IQCH: variants seen among roughly 807,000 people sequenced by gnomAD.
IQCH encodes IQ domain-containing protein H.
In IQCH, 98 loss-of-function variants were observed where a neutral mutation model predicts 117.0. The observed-to-expected ratio is 0.84, with a 90% CI of 0.71 to 0.99. IQCH has a LOEUF of 0.99. IQCH is among the 50% of genes least tolerant of loss of function. The pLI is 0.00. For synonymous variants in IQCH, 412 were observed against 448.2 expected (o/e 0.92, Z 1.02); for missense variants, 1,102 against 1,243.8 (o/e 0.89, Z 1.72).
chr15:67,449,373 C>CT (rs1441902932), intron 16 of IQCH, among the ~76,000 whole-genome samples: 1 of 152,090 alleles, frequency 6.6e-6, no homozygotes, highest in Admixed American at 6.5e-5. Flanking sequence ...ACATTTAAGT[C>CT]TTTAATCCAT....
rs1313877991 is a variant in IQCH, at chr15:67,254,860, C to T, written c.-37C>T. 5.0e-6 allele frequency: 8 copies of T among 1,603,776 alleles called. No individual in the cohort carries two copies. The highest frequency in any genetic ancestry group is 6.8e-6 in the Non-Finnish European group (8 of 1,173,374). ...GCTGAAGGTTTCCGTGCTTGGAAAC[C>T]GCGCCTCCGCGGAGGTAGCCGTTCC... On this transcript the variant is annotated 5_prime_UTR_variant, in exon 1 of 21. Coordinates refer to ENST00000335894, the MANE Select transcript of IQCH (RefSeq NM_001031715.3).
chr15:67,458,535 T>C lies in IQCH; in HGVS notation c.2506-6592T>C, dbSNP rs1013011704. Among the ~76,000 whole-genome samples the C allele has an allele frequency of 3.9e-5, 6 of 152,166 alleles. No homozygotes were observed. The highest frequency in any genetic ancestry group is 2.6e-4 in the Admixed American group (4 of 15,284). The stretch of plus-strand genomic sequence containing the variant: ...TCTTGTCAATGCAATTAGAGTCACA[T>C]TAGTTAGCTCACATCACTCCTCCAC... On this transcript the variant is annotated intron_variant, in intron 16 of 20. Transcript: ENST00000335894. The surrounding 1 kb of genome is among the most constrained non-coding windows in gnomAD (Gnocchi z 4.1).
chr15:67,450,443 A>G (rs1330366237), intron 16 of IQCH, among the ~76,000 whole-genome samples: 1 of 152,120 alleles, frequency 6.6e-6, no homozygotes, highest in East Asian at 1.9e-4. Flanking sequence ...AGGTTGTTGA[A>G]TTTTGTCAAA....
chr15:67,436,945 C>G lies in IQCH; in HGVS notation c.2505+15368C>G, dbSNP rs142945546. Among the ~76,000 whole-genome samples, 1 of 151,830 alleles carries G rather than the reference C, an allele frequency of 6.6e-6. No homozygotes were observed. The highest frequency in any genetic ancestry group is 1.5e-5 in the Non-Finnish European group (1 of 67,970). On this transcript the variant is annotated intron_variant, in intron 16 of 20. Transcript: ENST00000335894. This position sits in a 1 kb window ranked among gnomAD's most constrained non-coding sequence, Gnocchi z 5.1. ...TCAGACACGCGTAGCCCCACCCCCA[C>G]CTGATGGTCCTTCCCTATCCACCCT...
At position 67,446,878 on chromosome 15, in the gene IQCH, C is replaced by G. The variant is rs145814905; in HGVS notation, c.2506-18249C>G. On this transcript the variant is annotated intron_variant, in intron 16 of 20. Coordinates refer to ENST00000335894, the MANE Select transcript of IQCH (RefSeq NM_001031715.3). ...ACAGAAAGGTGTTAAGTGACTTGCC[C>G]GAAGTCCCACGGTAAATCACAAGCC... 3.8e-3 allele frequency among the ~76,000 whole-genome samples: 579 copies of G among 152,244 alleles called. 4 individuals are homozygous for G. The highest frequency in any genetic ancestry group is 0.013 in the African/African-American group (536 of 41,542).
intron 10 of IQCH, among the ~76,000 whole-genome samples, chr15:67,377,406 C>A (rs911346358): frequency 1.3e-5 from 2 of 151,924 alleles, no homozygotes; most frequent in African/African-American, 4.8e-5. Flanking sequence ...TGGTTCATAA[C>A]AGGAATAAAA....
At position 67,408,810 on chromosome 15, in the gene IQCH, C is replaced by A. The variant is rs542868052; in HGVS notation, c.2098-8121C>A. 6.6e-6 allele frequency among the ~76,000 whole-genome samples: 1 copy of A among 152,222 alleles called. No homozygotes were observed. The highest frequency in any genetic ancestry group is 1.5e-5 in the Non-Finnish European group (1 of 68,014). ...ATATTTCTCTAACTGGAAAGAAAGA[C>A]CCTATTACCAGTAATGATAATTATG... On this transcript the variant is annotated intron_variant, in intron 14 of 20. Coordinates refer to ENST00000335894, the MANE Select transcript of IQCH (RefSeq NM_001031715.3). The surrounding 1 kb of genome is among the most constrained non-coding windows in gnomAD (Gnocchi z 4.2).
intron 3 of IQCH, among the ~76,000 whole-genome samples, chr15:67,272,162 T>G (rs1965924497): frequency 3.3e-5 from 5 of 152,224 alleles, no homozygotes; most frequent in Admixed American, 3.3e-4. Flanking sequence ...TTTAATTTCT[T>G]TATTGACTGT....
rs1971650987 is a variant in IQCH, at chr15:67,401,321, A to G, written c.2097+1016A>G. On this transcript the variant is annotated intron_variant, in intron 14 of 20. Transcript: ENST00000335894. The surrounding 1 kb of genome is among the most constrained non-coding windows in gnomAD (Gnocchi z 4.7). ...AAATTAAACCTGCCATTCTAAAACTATCTTGCTTTTCATCCAGAAATCCCC... is the reference window on the plus strand; with the variant it reads ...AAATTAAACCTGCCATTCTAAAACTGTCTTGCTTTTCATCCAGAAATCCCC... 6.6e-6 allele frequency among the ~76,000 whole-genome samples: 1 copy of G among 152,234 alleles called. No individual in the cohort carries two copies.
At chr15:67,292,211 C>T (rs967513455) in intron 4 of IQCH, among the ~76,000 whole-genome samples, 11 of 152,068 alleles carry the variant, frequency 7.2e-5, no homozygotes, top group African/African-American at 2.7e-4. Context: ...TTCCCAGGCT[C>T]CAGAACTGTA....
At position 67,472,930 on chromosome 15, in the gene IQCH, A is replaced by T. The variant is rs1482739918; in HGVS notation, c.2677-2766A>T. On this transcript the variant is annotated intron_variant, in intron 17 of 20. Coordinates refer to ENST00000335894, the MANE Select transcript of IQCH (RefSeq NM_001031715.3). The surrounding 1 kb of genome is among the most constrained non-coding windows in gnomAD (Gnocchi z 4.3). ...TGTAGTGAAGAAGAAACCTCAGGGT[A>T]GCCTGCCCTTACATGTTGTCTAGTA... Among the ~76,000 whole-genome samples, 1 of 152,142 alleles carries T rather than the reference A, an allele frequency of 6.6e-6. No homozygotes were observed. Among genetic ancestry groups the T allele is most frequent in the Admixed American group, 6.6e-5 (1 of 15,266 alleles).
At chr15:67,276,461 G>A (rs1191156745) in intron 3 of IQCH, among the ~76,000 whole-genome samples, 1 of 152,180 alleles carries the variant, frequency 6.6e-6, no homozygotes, top group Non-Finnish European at 1.5e-5. Flanking sequence ...ATATCCCATA[G>A]CAAACATATA....
At chr15:67,280,767 A>G (rs1966321224) in intron 4 of IQCH, among the ~76,000 whole-genome samples, 1 of 152,044 alleles carries the variant, frequency 6.6e-6, no homozygotes, top group South Asian at 2.1e-4. Context: ...TCTTTTGGGT[A>G]GCAGGAACTG....
At chr15:67,382,632 A>T (rs1970972388) in intron 10 of IQCH, among the ~76,000 whole-genome samples, 1 of 152,202 alleles carries the variant, frequency 6.6e-6, no homozygotes, top group Non-Finnish European at 1.5e-5. Flanking sequence ...TAAATTTCTC[A>T]CAAGAGCTAA....
In IQCH at chr15:67,279,344, A is replaced by C. The variant is rs536188756; in HGVS notation, c.270-51A>C. 3 of 951,102 alleles carry C rather than the reference A, an allele frequency of 3.2e-6. No homozygotes were observed. In the East Asian group the frequency reaches 7.5e-5, roughly 24 times the overall value. The allele number at this position is 951,102 out of a possible 1,614,324, so 58.9% of individuals were successfully genotyped here. On this transcript the variant is annotated intron_variant, in intron 3 of 20. Transcript: ENST00000335894. ...CATTGTTTTAAAATTACAATTTGAAAAGCTTTTAAAATAGCAAATTTGATT... is the reference window on the plus strand; with the variant it reads ...CATTGTTTTAAAATTACAATTTGAACAGCTTTTAAAATAGCAAATTTGATT...
chr15:67,286,197 TA>T (rs1966556054), intron 4 of IQCH, among the ~76,000 whole-genome samples: 1 of 152,226 alleles, frequency 6.6e-6, no homozygotes, highest in African/African-American at 2.4e-5. Context: ...GTAGCTATTG[TA>T]AATGGGATTA....
rs1417935043 is a variant in IQCH at position 67,393,670 on chromosome 15, C to T, written c.1633-1621C>T. Among the ~76,000 whole-genome samples the T allele has an allele frequency of 6.6e-6, 1 of 151,950 alleles. No homozygotes were observed. Among genetic ancestry groups the T allele is most frequent in the Admixed American group, 6.6e-5 (1 of 15,248 alleles). On this transcript the variant is annotated intron_variant, in intron 12 of 20. Coordinates refer to ENST00000335894, the MANE Select transcript of IQCH (RefSeq NM_001031715.3). This position sits in a 1 kb window ranked among gnomAD's most constrained non-coding sequence, Gnocchi z 5.5. ...TAGTAGCTGGGACCACAGGTGTGTA[C>T]CACCACATACCTGGCTAATTTTTTT...
chr15:67,357,470 C>G (rs1969940305), intron 7 of IQCH, 49 bp downstream of exon 7: 1 of 1,174,846 alleles, frequency 8.5e-7, no homozygotes, highest in Non-Finnish European at 1.3e-6. Flanking sequence ...ATTTACAGCA[C>G]TTTCTGTGAG....
rs953091317 is a variant in IQCH at position 67,436,832 on chromosome 15, T to A, written c.2505+15255T>A. ...GACTCAGCAGAGGCAGCCATAATCC[T>A]CCTAGGTACACAACTCCAGTGACCT... On this transcript the variant is annotated intron_variant, in intron 16 of 20. Coordinates refer to ENST00000335894, the MANE Select transcript of IQCH (RefSeq NM_001031715.3). This position sits in a 1 kb window ranked among gnomAD's most constrained non-coding sequence, Gnocchi z 5.1. 2.0e-5 allele frequency among the ~76,000 whole-genome samples: 3 copies of A among 151,928 alleles called. No homozygotes were observed. The highest frequency in any genetic ancestry group is 1.3e-4 in the Admixed American group (2 of 15,264).
Sources: allele counts gnomAD v4.1 joint callset (sites outside exome capture counted in the v4.1 genomes callset), GRCh38; gene constraint gnomAD v4.1.1; non-coding constraint Gnocchi (gnomAD v3.1); transcripts MANE v1.5; gene names NCBI Gene and HGNC (gene_info 2026-07-23, HGNC 2026-07-21).